The following PCED1B variants were observed in gnomAD, a reference collection of about 807,000 sequenced individuals.
The protein encoded by PCED1B is PC-esterase domain containing 1B, also known as PC-esterase domain-containing protein 1B.
For synonymous variants in PCED1B, 251 were observed against 246.1 expected (o/e 1.02, Z -0.19); for missense variants, 573 against 573.9 (o/e 1.00, Z 0.02).
intron 2 of PCED1B, among the ~76,000 whole-genome samples, chr12:47,200,209 T>G (rs1942723004): frequency 6.6e-6 from 1 of 151,270 alleles, no homozygotes; most frequent in Non-Finnish European, 1.5e-5. Context: ...AAAAAAAAAT[T>G]CTATCCAAAA....
intron 2 of PCED1B, among the ~76,000 whole-genome samples, chr12:47,178,823 C>T (rs985423538): frequency 6.1e-5 from 9 of 146,764 alleles, no homozygotes; most frequent in Non-Finnish European, 1.2e-4. Flanking sequence ...GCCGTGATCA[C>T]GCCACTGCAC....
At chr12:47,220,170 T>G (rs552796116) in intron 3 of PCED1B, among the ~76,000 whole-genome samples, 1 of 152,238 alleles carries the variant, frequency 6.6e-6, no homozygotes, top group African/African-American at 2.4e-5. Context: ...ATTTATTTAT[T>G]TATTTTTAAT....
intron 3 of PCED1B, among the ~76,000 whole-genome samples, chr12:47,225,573 A>G (rs575959548): frequency 6.6e-6 from 1 of 152,246 alleles, no homozygotes; most frequent in African/African-American, 2.4e-5. Context: ...GATAAATTAT[A>G]CAGGTGAGCT....
chr12:47,186,884 T>C (rs1479476596), intron 2 of PCED1B, among the ~76,000 whole-genome samples: 4 of 152,186 alleles, frequency 2.6e-5, no homozygotes, highest in Non-Finnish European at 5.9e-5. Context: ...TTTTATATCC[T>C]ATTGGCCAGA....
intron 3 of PCED1B, among the ~76,000 whole-genome samples, chr12:47,224,351 T>C (rs1484768852): frequency 6.6e-6 from 1 of 152,260 alleles, no homozygotes; most frequent in Non-Finnish European, 1.5e-5. Flanking sequence ...TGCATTTCTT[T>C]CTGTAATTCA....
intron 3 of PCED1B, among the ~76,000 whole-genome samples, chr12:47,217,492 G>GAAAA (rs973095849): frequency 7.8e-6 from 1 of 128,590 alleles, no homozygotes; most frequent in Non-Finnish European, 1.6e-5. Context: ...AAGAAAGAAA[G>GAAAA]AAAGAAAGAA....
chr12:47,180,105 C>G (rs755244612), intron 2 of PCED1B, among the ~76,000 whole-genome samples: 8 of 152,148 alleles, frequency 5.3e-5, no homozygotes, highest in South Asian at 2.1e-4. Flanking sequence ...CTCACACCCC[C>G]CAACAGGCCC....
intron 1 of PCED1B, among the ~76,000 whole-genome samples, chr12:47,095,012 T>C (rs1301774633): frequency 6.6e-6 from 1 of 150,644 alleles, no homozygotes; most frequent in East Asian, 2.0e-4. Context: ...GCTCAAGCAA[T>C]CCTCCCACCT....
intron 2 of PCED1B, among the ~76,000 whole-genome samples, chr12:47,140,792 G>A (rs750830613): frequency 2.6e-5 from 4 of 150,986 alleles, no homozygotes; most frequent in Admixed American, 6.6e-5. Context: ...TGCAAAGGAA[G>A]TGAATCTCCC....
intron 2 of PCED1B, among the ~76,000 whole-genome samples, chr12:47,126,609 CA>C (rs1302924685): frequency 1.3e-5 from 2 of 151,984 alleles, no homozygotes; most frequent in Non-Finnish European, 2.9e-5. Flanking sequence ...TCAGATTTAC[CA>C]AAGAAGCCAT....
intron 2 of PCED1B, among the ~76,000 whole-genome samples, chr12:47,189,085 C>T (rs1293887884): frequency 6.6e-6 from 1 of 152,142 alleles, no homozygotes; most frequent in Non-Finnish European, 1.5e-5. Flanking sequence ...TGTTCTTTTT[C>T]ATTTCCTCTA....
At chr12:47,084,873 T>C (rs1263185220) in intron 1 of PCED1B, among the ~76,000 whole-genome samples, 1 of 152,234 alleles carries the variant, frequency 6.6e-6, no homozygotes, top group Non-Finnish European at 1.5e-5. Context: ...CGGTGGCTCA[T>C]GCCTGTAATC....
At chr12:47,135,662 G>T in intron 2 of PCED1B, 1 of 516,698 alleles carries the variant, frequency 1.9e-6, no homozygotes, top group South Asian at 1.5e-5. Flanking sequence ...ACTTCACAGA[G>T]TAGATGAATG....
chr12:47,218,969 C>T (rs561269671), intron 3 of PCED1B, among the ~76,000 whole-genome samples: 3 of 151,950 alleles, frequency 2.0e-5, no homozygotes, highest in Non-Finnish European at 2.9e-5. Context: ...GGTGAAACTC[C>T]GCCTCTACTA....
chr12:47,096,794 T>TA (rs1938499382), intron 1 of PCED1B, among the ~76,000 whole-genome samples: 1 of 152,218 alleles, frequency 6.6e-6, no homozygotes, highest in South Asian at 2.1e-4. Flanking sequence ...TGAGCTTCTA[T>TA]TACATATATT....
At chr12:47,211,706 C>G (rs1236399711) in intron 2 of PCED1B, among the ~76,000 whole-genome samples, 1 of 150,216 alleles carries the variant, frequency 6.7e-6, no homozygotes, top group Non-Finnish European at 1.5e-5. Context: ...GCCTGTAATT[C>G]CAGCACTTTG....
At chr12:47,160,302 T>C (rs1254000616) in intron 2 of PCED1B, among the ~76,000 whole-genome samples, 12 of 131,696 alleles carry the variant, frequency 9.1e-5, no homozygotes, top group South Asian at 5.3e-4. Flanking sequence ...TCTTTTTTTT[T>C]TTTTTTTTTT....
At chr12:47,203,252 G>A (rs982259518) in intron 2 of PCED1B, among the ~76,000 whole-genome samples, 1 of 152,032 alleles carries the variant, frequency 6.6e-6, no homozygotes, top group Non-Finnish European at 1.5e-5. Flanking sequence ...TTACAGGCAT[G>A]AGCCACCGTG....
intron 2 of PCED1B, among the ~76,000 whole-genome samples, chr12:47,211,673 A>C (rs1423490520): frequency 9.5e-5 from 14 of 147,496 alleles, no homozygotes; most frequent in Admixed American, 8.8e-4. Flanking sequence ...AAAAAAAAAA[A>C]AAAACTGGGC....
Sources: gnomAD v4.1 joint callset for allele counts (sites outside exome capture counted in the v4.1 genomes callset) on GRCh38, gnomAD v4.1.1 for gene constraint, MANE v1.5 for transcripts, NCBI Gene and HGNC (gene_info 2026-07-23, HGNC 2026-07-21) for gene names.